PRKAG2: variants seen among roughly 807,000 people sequenced by gnomAD.
The protein encoded by PRKAG2 is 5'-AMP-activated protein kinase subunit gamma-2.
In PRKAG2, 26 loss-of-function variants were observed where a neutral mutation model predicts 69.6. That is an observed-to-expected ratio of 0.37 (90% confidence interval 0.27 to 0.52). The LOEUF is 0.52. PRKAG2 is among the 20% of genes least tolerant of loss of function. The probability of loss-of-function intolerance (pLI) is 0.90; values close to 1 mark genes in which losing one functional copy is unlikely to be tolerated. For synonymous variants in PRKAG2, 293 were observed against 285.0 expected, an observed-to-expected ratio of 1.03 and a Z score of -0.28; for missense variants, 557 against 740.0, an observed-to-expected ratio of 0.75 and a Z score of 2.87.
At chr7:151,697,643 T>C (rs1345068090) in intron 3 of PRKAG2, among the ~76,000 whole-genome samples, 4 of 152,044 alleles carry the variant, frequency 2.6e-5, no homozygotes, top group Non-Finnish European at 5.9e-5. Context: ...AGCAAGGGTC[T>C]GACATAACCC....
chr7:151,844,247 TC>T (rs143455079), intron 1 of PRKAG2, among the ~76,000 whole-genome samples: 1,660 of 152,234 alleles, frequency 0.011, 32 homozygotes, highest in African/African-American at 0.036. Flanking sequence ...AGGCCAGTGC[TC>T]CCTCTGGGCC....
chr7:151,640,378 T>C (rs1239442446), intron 4 of PRKAG2, among the ~76,000 whole-genome samples: 1 of 152,136 alleles, frequency 6.6e-6, no homozygotes, highest in Non-Finnish European at 1.5e-5. Context: ...CTCGGCAATC[T>C]TTAGGATTTT....
At chr7:151,855,754 T>TG (rs940754915) in intron 1 of PRKAG2, among the ~76,000 whole-genome samples, 1 of 140,282 alleles carries the variant, frequency 7.1e-6, no homozygotes, top group Non-Finnish European at 1.6e-5. Context: ...GGCAGAGGGG[T>TG]GGGGGCGGCA....
chr7:151,794,309 C>T (rs2077391293), intron 1 of PRKAG2, among the ~76,000 whole-genome samples: 1 of 152,244 alleles, frequency 6.6e-6, no homozygotes, highest in Non-Finnish European at 1.5e-5. Flanking sequence ...GAATCCCTGG[C>T]CCGGAGTGCC....
At chr7:151,657,619 A>G (rs1271805089) in intron 4 of PRKAG2, among the ~76,000 whole-genome samples, 10 of 152,152 alleles carry the variant, frequency 6.6e-5, no homozygotes, top group African/African-American at 4.8e-5. Flanking sequence ...AGATAATAAT[A>G]TCTTCTTTGC....
At chr7:151,711,614 T>C (rs578116863) in intron 3 of PRKAG2, among the ~76,000 whole-genome samples, 1 of 152,326 alleles carries the variant, frequency 6.6e-6, no homozygotes, top group Non-Finnish European at 1.5e-5. Context: ...TCCTTTAATC[T>C]CCATCCACCA....
Position 151,807,021 on chromosome 7 carries a change from C to T in PRKAG2, c.115-20480G>A. 2 of 454,646 alleles carry T rather than the reference C, an allele frequency of 4.4e-6. No homozygotes were observed. Among genetic ancestry groups the T allele is most frequent in the Non-Finnish European group, 8.9e-6 (2 of 225,956 alleles). 28.2% of individuals were successfully genotyped at this position (454,646 alleles called of 1,614,324 possible). ...CACCTGGGTTCAGAATTGCGCTGGA[C>T]ATGGGATACACAAAGGTAAGACATG... On this transcript the variant is annotated intron_variant, in intron 1 of 15. Coordinates refer to ENST00000287878, the MANE Select transcript of PRKAG2 (RefSeq NM_016203.4). The surrounding 1 kb of genome is among the most constrained non-coding windows in gnomAD (Gnocchi z 4.4).
chr7:151,623,066 G>A (rs1403311419), intron 5 of PRKAG2, among the ~76,000 whole-genome samples: 1 of 152,086 alleles, frequency 6.6e-6, no homozygotes, highest in Non-Finnish European at 1.5e-5. Context: ...TTTGGCATGA[G>A]TTAGAGTCTC....
chr7:151,791,578 G>T (rs150961509), intron 1 of PRKAG2, among the ~76,000 whole-genome samples: 1 of 152,318 alleles, frequency 6.6e-6, no homozygotes, highest in Non-Finnish European at 1.5e-5. Flanking sequence ...TTCATCCGCT[G>T]CACAAAATGT....
At chr7:151,683,132 G>C (rs1327958243) in intron 3 of PRKAG2, among the ~76,000 whole-genome samples, 1 of 152,252 alleles carries the variant, frequency 6.6e-6, no homozygotes, top group Non-Finnish European at 1.5e-5. Context: ...CCCAGCGAGG[G>C]AACAGAAACT....
At chr7:151,714,581 C>T (rs1439656925) in intron 3 of PRKAG2, among the ~76,000 whole-genome samples, 1 of 152,218 alleles carries the variant, frequency 6.6e-6, no homozygotes, top group African/African-American at 2.4e-5. Flanking sequence ...GAGAAAAAAA[C>T]TACTCTAGTA....
At chr7:151,718,213 G>A (rs1195892964) in intron 3 of PRKAG2, among the ~76,000 whole-genome samples, 1 of 152,084 alleles carries the variant, frequency 6.6e-6, no homozygotes, top group Non-Finnish European at 1.5e-5. Context: ...TGCCAGCCCT[G>A]TTGGTTTCTG....
chr7:151,724,034 T>G (rs993455211), intron 3 of PRKAG2, among the ~76,000 whole-genome samples: 6 of 152,164 alleles, frequency 3.9e-5, no homozygotes, highest in African/African-American at 1.4e-4. Context: ...AAATCAACCT[T>G]GATAAACTCC....
At chr7:151,599,530 T>A (rs1488877596) in intron 5 of PRKAG2, among the ~76,000 whole-genome samples, 1 of 152,192 alleles carries the variant, frequency 6.6e-6, no homozygotes, top group East Asian at 1.9e-4. Context: ...TCCCTAGGAC[T>A]GGTTTTGTGG....
intron 3 of PRKAG2, among the ~76,000 whole-genome samples, chr7:151,679,537 G>A (rs1833508983): frequency 6.6e-6 from 1 of 152,144 alleles, no homozygotes; most frequent in Admixed American, 6.5e-5. Context: ...CTGTAGGCAT[G>A]TGCAGGGACC....
chr7:151,635,865 A>C (rs1191471204), intron 4 of PRKAG2, among the ~76,000 whole-genome samples: 1 of 147,196 alleles, frequency 6.8e-6, no homozygotes, highest in Non-Finnish European at 1.5e-5. Flanking sequence ...AATGACAATA[A>C]ATTTTTTTTT....
chr7:151,752,000 G>C (rs998255852), intron 3 of PRKAG2, among the ~76,000 whole-genome samples: 2 of 152,196 alleles, frequency 1.3e-5, no homozygotes, highest in African/African-American at 4.8e-5. Context: ...CAGCCAGAAA[G>C]CCAGGAAGTG....
chr7:151,666,969 G>A (rs1258335631), intron 4 of PRKAG2, among the ~76,000 whole-genome samples: 1 of 152,164 alleles, frequency 6.6e-6, no homozygotes. Flanking sequence ...CAGCTGTTGA[G>A]AACCCTGCCA....
At chr7:151,834,484 G>C (rs75243283) in intron 1 of PRKAG2, among the ~76,000 whole-genome samples, 34,480 of 149,196 alleles carry the variant, frequency 0.23, 4,352 homozygotes, top group Middle Eastern at 0.32. Flanking sequence ...AGTACATCAC[G>C]TTGTTTGATG....
Sources: allele counts gnomAD v4.1 joint callset (sites outside exome capture counted in the v4.1 genomes callset), GRCh38; gene constraint gnomAD v4.1.1; non-coding constraint Gnocchi (gnomAD v3.1); transcripts MANE v1.5; gene names NCBI Gene and HGNC (gene_info 2026-07-23, HGNC 2026-07-21).